GALNT12: variants seen among roughly 807,000 people sequenced by gnomAD.
GALNT12 encodes polypeptide N-acetylgalactosaminyltransferase 12.
GALNT12 carries 45 observed loss-of-function variants against 55.5 expected under a neutral mutation model. The ratio of observed to expected loss-of-function variants is 0.81; its 90% CI spans 0.64 to 1.04. The LOEUF (loss-of-function observed/expected upper bound fraction) is 1.04. Among genes scored for constraint, GALNT12 ranks in the 50% least tolerant of loss-of-function variants. The pLI, the probability that GALNT12 is intolerant of heterozygous loss-of-function variation, is 0.00. For synonymous variants in GALNT12, 304 were observed against 312.2 expected, an observed-to-expected ratio of 0.97 and a Z score of 0.28; for missense variants, 709 against 754.8, an observed-to-expected ratio of 0.94 and a Z score of 0.71.
chr9:98,845,943 ATGT>A (rs1174605609), intron 8 of GALNT12, 31 bp from the exon 9 acceptor site: 1 of 1,612,344 alleles, frequency 6.2e-7, no homozygotes. Flanking sequence ...TCAGTGGAAA[ATGT>A]TGTGTTACAT....
Position 98,823,339 on chromosome 9 carries a change from T to A in GALNT12, c.455T>A (p.Leu152His). 1 of 1,614,020 alleles carries A rather than the reference T, an allele frequency of 6.2e-7. No homozygotes were observed. Among genetic ancestry groups the A allele is most frequent in the Non-Finnish European group, 8.5e-7 (1 of 1,179,838 alleles). Residue 152 changes from leucine (L) to histidine (H), a missense_variant, in exon 2 of 10, where the codon CTC becomes CAC. This residue lies in a region of GALNT12 where 315 missense variants were observed against 288.6 expected (regional missense o/e 1.09). Transcript: ENST00000375011. ...TTTTATAATGAAGCCTGGTCAACTCTCCTTCGGACAGTTTACAGTGTCCTT... is the reference window on the plus strand; with the variant it reads ...TTTTATAATGAAGCCTGGTCAACTCACCTTCGGACAGTTTACAGTGTCCTT... ...IAFYNEAWST[L>H]LRTVYSVLET...
At chr9:98,835,983 G>A (rs763031915) in intron 5 of GALNT12, among the ~76,000 whole-genome samples, 1 of 152,148 alleles carries the variant, frequency 6.6e-6, no homozygotes, top group Non-Finnish European at 1.5e-5. Flanking sequence ...TGATCCACCC[G>A]CCTTGGCCTC....
chr9:98,843,323 A>G (rs1230136305), intron 7 of GALNT12, among the ~76,000 whole-genome samples: 2 of 152,198 alleles, frequency 1.3e-5, no homozygotes, highest in African/African-American at 4.8e-5. Context: ...ATTTCTTTGC[A>G]GCTCAGTTTG....
At chr9:98,830,864 C>T (rs10987887) in intron 3 of GALNT12, among the ~76,000 whole-genome samples, 1,804 of 152,230 alleles carry the variant, frequency 0.012, 11 homozygotes, top group Non-Finnish European at 0.019. Context: ...CTAAGGACAC[C>T]GAAAGCTCAA....
At chr9:98,824,042 C>T (rs1835808033) in intron 2 of GALNT12, among the ~76,000 whole-genome samples, 1 of 152,198 alleles carries the variant, frequency 6.6e-6, no homozygotes, top group Admixed American at 6.5e-5. Context: ...GAGCTGTGGG[C>T]TTAGTCACTA....
chr9:98,839,667 C>T (rs1230635631), intron 6 of GALNT12, among the ~76,000 whole-genome samples: 1 of 152,164 alleles, frequency 6.6e-6, no homozygotes, highest in Non-Finnish European at 1.5e-5. Context: ...GCATGGGTCA[C>T]AGGTCCGGGA....
intron 9 of GALNT12, 83 bp from the exon 10 acceptor site, chr9:98,848,869 C>G (rs1268978342): frequency 1.0e-5 from 16 of 1,527,406 alleles, no homozygotes; most frequent in Non-Finnish European, 1.4e-5. Flanking sequence ...TGGTAAAAAT[C>G]AGACCCTGAT....
chr9:98,835,339 A>T lies in GALNT12; in HGVS notation c.1008A>T (p.Gly336=), dbSNP rs1385307354. ...GSYDTGMEVW[G]GENLEFSFRI... ...ATGATACAGGAATGGAAGTTTGGGG[A>T]GGAGAAAACCTCGAATTTTCCTTTA... Residue 336 remains glycine, a synonymous_variant, in exon 5 of 10, where the codon GGA becomes GGT. Coordinates refer to ENST00000375011, the MANE Select transcript of GALNT12 (RefSeq NM_024642.5). 2 of 1,611,024 alleles carry T rather than the reference A, an allele frequency of 1.2e-6. No homozygotes were observed. Among genetic ancestry groups the T allele is most frequent in the Non-Finnish European group, 1.7e-6 (2 of 1,177,164 alleles).
At chr9:98,843,392 A>C (rs1338652628) in intron 7 of GALNT12, among the ~76,000 whole-genome samples, 2 of 151,974 alleles carry the variant, frequency 1.3e-5, no homozygotes, top group African/African-American at 4.8e-5. Flanking sequence ...AAAGTGATTT[A>C]AATTAATTCT....
At chr9:98,820,361 C>A (rs139918130) in intron 1 of GALNT12, among the ~76,000 whole-genome samples, 70 of 152,260 alleles carry the variant, frequency 4.6e-4, no homozygotes, top group African/African-American at 1.3e-3. Flanking sequence ...GTTTTCTGTT[C>A]CTGCATTAGT....
At chr9:98,827,510 G>A (rs747752897) in intron 3 of GALNT12, among the ~76,000 whole-genome samples, 64 of 152,244 alleles carry the variant, frequency 4.2e-4, no homozygotes, top group Non-Finnish European at 8.1e-4. Context: ...GCAGAAAACC[G>A]AGGAAGTATC....
intron 1 of GALNT12, 32 bp from the exon 2 acceptor site, chr9:98,823,224 C>T (rs1835784820): frequency 6.2e-7 from 1 of 1,610,002 alleles, no homozygotes; most frequent in Non-Finnish European, 8.5e-7. Context: ...TGGGCTAGAT[C>T]CTGAGTTCCT....
chr9:98,820,099 C>G (rs758855512), intron 1 of GALNT12, among the ~76,000 whole-genome samples: 2 of 152,070 alleles, frequency 1.3e-5, no homozygotes, highest in Non-Finnish European at 2.9e-5. Context: ...TTTTTCCCCC[C>G]AGGTTTTAAG....
At chr9:98,808,813 A>G (rs943858355) in intron 1 of GALNT12, among the ~76,000 whole-genome samples, 3 of 152,212 alleles carry the variant, frequency 2.0e-5, no homozygotes, top group African/African-American at 4.8e-5. Flanking sequence ...AGGAGGAAGG[A>G]CAGGTGGCTG....
rs958698795 is a variant in GALNT12 at position 98,844,312 on chromosome 9, G to A, written c.1458+103G>A. ...AAGTAATATTTGGGAAATATAAAAA[G>A]TAGAAGCCTAGGGTGGCCAGACTCA... On this transcript the variant is annotated intron_variant, in intron 8 of 9. Coordinates refer to ENST00000375011, the MANE Select transcript of GALNT12 (RefSeq NM_024642.5). 2.8e-5 allele frequency: 23 copies of A among 824,334 alleles called. No homozygotes were observed. The African/African-American group carries it at 3.6e-4, about 13-fold the overall frequency. 51.1% of individuals were successfully genotyped at this position (824,334 alleles called of 1,614,324 possible).
chr9:98,845,891 G>C, intron 8 of GALNT12, 86 bp from the exon 9 acceptor site: 1 of 1,454,422 alleles, frequency 6.9e-7, no homozygotes. Context: ...CCATGCTCTC[G>C]TGATCCCAGG....
At chr9:98,840,159 C>T (rs1836252919) in intron 7 of GALNT12, 26 bp downstream of exon 7, 1 of 1,611,968 alleles carries the variant, frequency 6.2e-7, no homozygotes, top group African/African-American at 1.3e-5. Flanking sequence ...GGGCCCACGG[C>T]AGGCAGGGAC....
intron 1 of GALNT12, among the ~76,000 whole-genome samples, chr9:98,813,644 C>G (rs915353855): frequency 6.6e-6 from 1 of 151,888 alleles, no homozygotes; most frequent in Non-Finnish European, 1.5e-5. Context: ...GGATTATAGG[C>G]GCCTGCCACC....
intron 8 of GALNT12, chr9:98,844,607 C>A: frequency 3.8e-6 from 1 of 264,652 alleles, no homozygotes; most frequent in Non-Finnish European, 7.3e-6. Context: ...AATAACCCTG[C>A]CTCTAACACC....
Sources: gnomAD v4.1 joint callset for allele counts (sites outside exome capture counted in the v4.1 genomes callset) on GRCh38, gnomAD v4.1.1 for gene constraint, gnomAD v4.1.1 regional missense constraint, MANE v1.5 for transcripts, NCBI Gene and HGNC (gene_info 2026-07-23, HGNC 2026-07-21) for gene names.